USP47: variants seen among roughly 807,000 people sequenced by gnomAD.
USP47 encodes the protein ubiquitin specific peptidase 47, also known as ubiquitin carboxyl-terminal hydrolase 47.
Under a neutral mutation model 165.1 loss-of-function variants are expected in USP47, and 35 were observed. That is an observed-to-expected ratio of 0.21 (90% confidence interval 0.16 to 0.28). USP47 has a LOEUF of 0.28. USP47 is among the 10% of genes least tolerant of loss of function. USP47 has a pLI of 1.00. For missense variants in USP47, 1,277 were observed against 1,607.4 expected, an observed-to-expected ratio of 0.79 and a Z score of 3.52; for synonymous variants, 531 against 544.5, an observed-to-expected ratio of 0.98 and a Z score of 0.35.
intron 18 of USP47, 143 bp downstream of exon 18, chr11:11,938,515 AG>A: frequency 1.6e-6 from 1 of 641,842 alleles, no homozygotes; most frequent in Non-Finnish European, 2.7e-6. Context: ...TGTAGTTAAA[AG>A]AAACAGATTG....
intron 1 of USP47, among the ~76,000 whole-genome samples, chr11:11,872,234 C>A (rs2134251897): frequency 6.6e-6 from 1 of 152,288 alleles, no homozygotes; most frequent in Non-Finnish European, 1.5e-5. Context: ...GCTGGAACAT[C>A]TACACATAGT....
chr11:11,905,416 G>A lies in USP47; in HGVS notation c.837G>A (p.Glu279=), dbSNP rs371300735. 1.4e-4 allele frequency: 219 copies of A among 1,589,250 alleles called. 1 individual carries two copies. Among genetic ancestry groups the A allele is most frequent in the Non-Finnish European group, 1.8e-4 (207 of 1,164,606 alleles). ...KQTEQADLIN[E]LYQGKLKDYV... ...ATTTTTAGGCTGATCTTATAAATGA[G>A]CTATATCAAGGCAAGCTGAAGGACT... The change falls in exon 8 of 28, where the codon GAG becomes GAA. Residue 279 remains glutamate, a synonymous_variant. Transcript: ENST00000527733.
chr11:11,914,939 C>T (rs566724806), intron 8 of USP47, among the ~76,000 whole-genome samples: 4 of 152,264 alleles, frequency 2.6e-5, no homozygotes, highest in Admixed American at 2.0e-4. Flanking sequence ...TATAAAATGA[C>T]ACGTGCAGTT....
Position 11,938,132 on chromosome 11 carries a change from G to C in USP47, c.2078-125G>C. On this transcript the variant is annotated intron_variant, in intron 17 of 27. Coordinates refer to ENST00000527733, the MANE Select transcript of USP47 (RefSeq NM_001282659.2). ...TGGTGATTTATATTTATTCAGTGTTGTTTTCATCTGTACTTGGAAGTTTGG... is the reference window on the plus strand; with the variant it reads ...TGGTGATTTATATTTATTCAGTGTTCTTTTCATCTGTACTTGGAAGTTTGG... The C allele has an allele frequency of 8.5e-6, 6 of 702,130 alleles. No individual in the cohort carries two copies. In the South Asian group the frequency reaches 1.2e-4, roughly 14 times the overall value. 43.5% of individuals were successfully genotyped at this position (702,130 alleles called of 1,614,324 possible).
At chr11:11,856,995 C>G (rs1849083829) in intron 1 of USP47, 1 of 152,076 alleles carries the variant, frequency 6.6e-6, no homozygotes, top group African/African-American at 2.4e-5. Flanking sequence ...ACTGAGAACA[C>G]CATAAGGAAT....
At chr11:11,874,334 TC>T (rs778332561) in intron 1 of USP47, among the ~76,000 whole-genome samples, 1 of 152,108 alleles carries the variant, frequency 6.6e-6, no homozygotes, top group Non-Finnish European at 1.5e-5. Flanking sequence ...CTCTGTTTTT[TC>T]CCCAGAGTTG....
chr11:11,907,292 T>C (rs1852635480), intron 8 of USP47, among the ~76,000 whole-genome samples: 1 of 152,158 alleles, frequency 6.6e-6, no homozygotes, highest in Non-Finnish European at 1.5e-5. Flanking sequence ...CAGTGGGAAT[T>C]GGAAGTTGCA....
chr11:11,910,064 G>A (rs1232456757), intron 8 of USP47, among the ~76,000 whole-genome samples: 1 of 152,164 alleles, frequency 6.6e-6, no homozygotes, highest in African/African-American at 2.4e-5. Context: ...CCAGGAATGT[G>A]TATGGTTGGA....
At chr11:11,927,187 C>G (rs1456766384) in intron 11 of USP47, among the ~76,000 whole-genome samples, 1 of 151,536 alleles carries the variant, frequency 6.6e-6, no homozygotes, top group African/African-American at 2.4e-5. Flanking sequence ...CCTTGTTCCT[C>G]TATAGGTAAG....
intron 8 of USP47, among the ~76,000 whole-genome samples, chr11:11,908,724 T>C (rs903497746): frequency 7.9e-5 from 12 of 152,124 alleles, no homozygotes; most frequent in Non-Finnish European, 8.8e-5. Flanking sequence ...ATAATTTCTT[T>C]TTTCAATAGA....
At chr11:11,928,085 A>G (rs564341904) in intron 11 of USP47, among the ~76,000 whole-genome samples, 5 of 152,146 alleles carry the variant, frequency 3.3e-5, no homozygotes, top group Non-Finnish European at 4.4e-5. Flanking sequence ...TTATGATGAA[A>G]CTTAAAAAAT....
Position 11,902,700 on chromosome 11 carries a change from A to G in USP47, c.594-15A>G, listed in dbSNP as rs1564871853. 1 of 1,472,894 alleles carries G rather than the reference A, an allele frequency of 6.8e-7. No homozygotes were observed. Among genetic ancestry groups the G allele is most frequent in the Admixed American group, 2.2e-5 (1 of 44,562 alleles). The allele number at this position is 1,472,894 out of a possible 1,614,324, so 91.2% of individuals were successfully genotyped here. ...ATCATTTTATAAATACTTTATTAAC[A>G]TTTTATTTTAATAGGTGGGAATTTG... On this transcript the variant is annotated splice_polypyrimidine_tract_variant and intron_variant, in intron 5 of 27. Coordinates refer to ENST00000527733, the MANE Select transcript of USP47 (RefSeq NM_001282659.2).
chr11:11,960,778 C>A lies in USP47; in HGVS notation c.*4603C>A, dbSNP rs1049050144. Among the ~76,000 whole-genome samples the A allele has an allele frequency of 2.0e-5, 3 of 152,160 alleles. No homozygotes were observed. Among genetic ancestry groups the A allele is most frequent in the Non-Finnish European group, 4.4e-5 (3 of 68,032 alleles). ...GCATTTAGAAACCAAGCATAGCTAT[C>A]AAAAAGTAATCTCCAAATAGTTGAA... On this transcript the variant is annotated 3_prime_UTR_variant, in exon 28 of 28. Transcript: ENST00000527733.
Position 11,920,230 on chromosome 11 carries a change from G to A in USP47, c.1044G>A (p.Lys348=), listed in dbSNP as rs1181702371. 6.2e-7 allele frequency: 1 copy of A among 1,609,484 alleles called. No individual in the cohort carries two copies. The highest frequency in any genetic ancestry group is 1.3e-5 in the African/African-American group (1 of 74,698). ...ATCAGTATTTTTGTGAACGTTGTAA[G>A]AAGAAGTGTGATGCACGGAAGGTAA... The part of the protein sequence containing the change: ...GPNQYFCERC[K]KKCDARKGLR... The change falls in exon 9 of 28, where the codon AAG becomes AAA. Residue 348 remains lysine, a synonymous_variant. Transcript: ENST00000527733.
At chr11:11,916,241 A>C (rs1243055487) in intron 8 of USP47, among the ~76,000 whole-genome samples, 3 of 152,146 alleles carry the variant, frequency 2.0e-5, no homozygotes, top group African/African-American at 4.8e-5. Flanking sequence ...TGAGCTTAGG[A>C]GTTTGAGACC....
chr11:11,842,237 A>AGAG lies in USP47; in HGVS notation c.39+18_39+20dup. The AGAG allele has an allele frequency of 1.3e-6, 2 of 1,552,044 alleles. No individual in the cohort carries two copies. Among genetic ancestry groups the AGAG allele is most frequent in the South Asian group, 2.4e-5 (2 of 84,074 alleles). On this transcript the variant is annotated intron_variant, in intron 1 of 27. Coordinates refer to ENST00000527733, the MANE Select transcript of USP47 (RefSeq NM_001282659.2). Reference sequence around the variant, plus strand: ...GGTCCCGAAAGAGGTGAGGGGCCCCAGAGGAGGTTAGGCCTTAGGCCTGCG... The same window carrying AGAG: ...GGTCCCGAAAGAGGTGAGGGGCCCCAGAGGAGGAGGTTAGGCCTTAGGCCTGCG...
intron 1 of USP47, among the ~76,000 whole-genome samples, chr11:11,860,143 T>TTTTA (rs939773788): frequency 1.0e-4 from 15 of 149,376 alleles, no homozygotes; most frequent in Admixed American, 5.3e-4. Flanking sequence ...TCTTTTCTTA[T>TTTTA]TTTATTTATT....
Position 11,942,661 on chromosome 11 carries a change from TGA to T in USP47, c.2643_2644del (p.Glu881AspfsTer3), listed in dbSNP as rs1317750291. 1 of 1,613,394 alleles carries T rather than the reference TGA, an allele frequency of 6.2e-7. No homozygotes were observed. Among genetic ancestry groups the T allele is most frequent in the Non-Finnish European group, 8.5e-7 (1 of 1,179,772 alleles). On this transcript the variant is annotated frameshift_variant, in exon 20 of 28. Transcript: ENST00000527733. LOFTEE classifies it high-confidence loss of function. ...ATAATGGGGACAGCAGCAAAAGTAC[TGA>T]GACAAGTGACTTTGAAAACATCGAA... is the stretch of plus-strand genomic sequence containing the variant. ...GDNGDSSKSTETSDFENIESP... is the reference protein window; with the variant it reads ...GDNGDSSKSTXTSDFENIESP...
rs1349618939 is a variant in USP47 at position 11,942,614 on chromosome 11, C to T, written c.2593C>T (p.Leu865=). 1 of 1,613,504 alleles carries T rather than the reference C, an allele frequency of 6.2e-7. No homozygotes were observed. The highest frequency in any genetic ancestry group is 1.1e-5 in the South Asian group (1 of 91,060). Residue 865 remains leucine, a synonymous_variant, in exon 20 of 28, where the codon CTG becomes TTG. Transcript: ENST00000527733. ...CACTGAAAAACTCAAAAGCTTGTCA[C>T]TGCAGCAACAGCAGGATGGAGATAA... The part of the protein sequence containing the change: ...ESTEKLKSLS[L]QQQQDGDNGD...
Sources: allele counts gnomAD v4.1 joint callset (sites outside exome capture counted in the v4.1 genomes callset), GRCh38; gene constraint gnomAD v4.1.1; transcripts MANE v1.5; gene names NCBI Gene and HGNC (gene_info 2026-07-23, HGNC 2026-07-21).